Variants in PPM1H observed in about 807,000 individuals in gnomAD.
PPM1H encodes the protein protein phosphatase, Mg2+/Mn2+ dependent 1H.
A neutral mutation model predicts 54.9 loss-of-function variants in PPM1H; 27 were observed. The observed-to-expected ratio is 0.49, with a 90% confidence interval of 0.36 to 0.68. The LOEUF (loss-of-function observed/expected upper bound fraction) is 0.68, where lower values mean the gene tolerates loss of function less well. Among genes scored for constraint, PPM1H ranks in the 30% least tolerant of loss-of-function variants. PPM1H has a pLI of 0.00. For missense variants in PPM1H, 596 were observed against 667.8 expected, an observed-to-expected ratio of 0.89 and a Z score of 1.19; for synonymous variants, 305 against 270.8, an observed-to-expected ratio of 1.13 and a Z score of -1.24.
chr12:62,775,748 G>A (rs1453476030), intron 4 of PPM1H, among the ~76,000 whole-genome samples: 3 of 152,158 alleles, frequency 2.0e-5, no homozygotes, highest in Admixed American at 2.0e-4. Context: ...GCATGCCTGG[G>A]CCCTGTTTGC....
At chr12:62,737,217 T>TA (rs111659461) in intron 5 of PPM1H, among the ~76,000 whole-genome samples, 83,564 of 134,092 alleles carry the variant, frequency 0.62, 25,400 homozygotes, top group East Asian at 0.79. Context: ...AAGAAGCCAT[T>TA]AAAAAAAAAA....
intron 3 of PPM1H, among the ~76,000 whole-genome samples, chr12:62,788,938 C>A (rs554089631): frequency 9.2e-5 from 14 of 152,156 alleles, no homozygotes; most frequent in Non-Finnish European, 1.9e-4. Flanking sequence ...ATTGTCCAGG[C>A]TGGTCTCGAA....
chr12:62,855,835 C>G (rs1869363954), intron 1 of PPM1H, among the ~76,000 whole-genome samples: 1 of 152,104 alleles, frequency 6.6e-6, no homozygotes, highest in South Asian at 2.1e-4. Flanking sequence ...TTTGTATATC[C>G]ATAAATATTC....
intron 2 of PPM1H, among the ~76,000 whole-genome samples, chr12:62,803,400 G>A (rs971105393): frequency 2.0e-5 from 3 of 152,168 alleles, no homozygotes; most frequent in Non-Finnish European, 4.4e-5. Flanking sequence ...CCACACATAT[G>A]TTGTCAACTA....
intron 9 of PPM1H, among the ~76,000 whole-genome samples, chr12:62,663,408 A>C (rs990387360): frequency 6.6e-6 from 1 of 152,002 alleles, no homozygotes; most frequent in South Asian, 2.1e-4. Context: ...GCTGGTCTTG[A>C]ACTCCCAGGT....
At chr12:62,834,566 C>G (rs1021304037) in intron 1 of PPM1H, among the ~76,000 whole-genome samples, 6 of 152,174 alleles carry the variant, frequency 3.9e-5, no homozygotes, top group South Asian at 4.1e-4. Flanking sequence ...CAGGCAAGGT[C>G]TGGTCCAGGC....
chr12:62,710,401 G>A (rs1384337061), intron 6 of PPM1H, among the ~76,000 whole-genome samples: 1 of 151,598 alleles, frequency 6.6e-6, no homozygotes, highest in East Asian at 2.0e-4. Context: ...GCATGTTGGT[G>A]CACGCCTTTA....
At chr12:62,830,245 A>AT (rs1284763761) in intron 2 of PPM1H, among the ~76,000 whole-genome samples, 1 of 151,740 alleles carries the variant, frequency 6.6e-6, no homozygotes, top group Non-Finnish European at 1.5e-5. Flanking sequence ...TTTATATTTT[A>AT]TTTATTTATT....
intron 6 of PPM1H, among the ~76,000 whole-genome samples, chr12:62,714,867 TC>T (rs1239930931): frequency 6.6e-6 from 1 of 152,160 alleles, no homozygotes; most frequent in African/African-American, 2.4e-5. Flanking sequence ...GGACTTTTCT[TC>T]TTTGGCCCTT....
chr12:62,682,398 C>T (rs1222928417), intron 8 of PPM1H, among the ~76,000 whole-genome samples: 1 of 152,128 alleles, frequency 6.6e-6, no homozygotes, highest in Non-Finnish European at 1.5e-5. Context: ...GGGATTTTGG[C>T]TTGGGAACAA....
intron 6 of PPM1H, among the ~76,000 whole-genome samples, chr12:62,707,229 T>C (rs147654529): frequency 2.0e-4 from 30 of 152,290 alleles, no homozygotes; most frequent in Non-Finnish European, 4.1e-4. Flanking sequence ...CTATCCAGGT[T>C]ATGGGCACAA....
At position 62,934,321 on chromosome 12, in the gene PPM1H, G is replaced by A. The variant is rs533200537; in HGVS notation, c.245+171C>T. 8.5e-5 allele frequency among the ~76,000 whole-genome samples: 13 copies of A among 152,322 alleles called. No individual in the cohort carries two copies. Among genetic ancestry groups the A allele is most frequent in the East Asian group, 5.8e-4 (3 of 5,186 alleles). On this transcript the variant is annotated intron_variant, in intron 1 of 9. Coordinates refer to ENST00000228705, the MANE Select transcript of PPM1H (RefSeq NM_020700.2). This position sits in a 1 kb window ranked among gnomAD's most constrained non-coding sequence, Gnocchi z 4.2. Reference sequence around the variant, plus strand: ...CGTCCTTGGGCTGGGGGAAGAGGGAGTGGGGAGAAGAGGGAAATGGCCAGT... The same window carrying A: ...CGTCCTTGGGCTGGGGGAAGAGGGAATGGGGAGAAGAGGGAAATGGCCAGT...
chr12:62,667,183 AG>A lies in PPM1H; in HGVS notation c.1391del (p.Pro464LeufsTer12). 4 of 1,590,416 alleles carry A rather than the reference AG, an allele frequency of 2.5e-6. No homozygotes were observed. The highest frequency in any genetic ancestry group is 3.4e-6 in the Non-Finnish European group (4 of 1,160,338). On this transcript the variant is annotated frameshift_variant, in exon 9 of 10. Coordinates refer to ENST00000228705, the MANE Select transcript of PPM1H (RefSeq NM_020700.2). LOFTEE classifies it high-confidence loss of function. ...AATTGTAGAAATGCACAAACCTGTG[AG>A]GATCATCTGGATCACAGTTAGGAAG... is the stretch of plus-strand genomic sequence containing the variant. ...QFLPNCDPDD[P>X]HRYTLAAQDL...
At chr12:62,682,784 G>A (rs575753530) in intron 8 of PPM1H, among the ~76,000 whole-genome samples, 20 of 152,084 alleles carry the variant, frequency 1.3e-4, no homozygotes, top group South Asian at 1.0e-3. Context: ...GATGATAGGC[G>A]TGAGTCACTG....
intron 1 of PPM1H, among the ~76,000 whole-genome samples, chr12:62,882,954 T>C (rs1229522128): frequency 6.6e-6 from 1 of 151,140 alleles, no homozygotes; most frequent in Non-Finnish European, 1.5e-5. Flanking sequence ...AGCAAAGGCC[T>C]ATTCAACCTC....
At chr12:62,859,928 G>A (rs1869536802) in intron 1 of PPM1H, among the ~76,000 whole-genome samples, 1 of 152,198 alleles carries the variant, frequency 6.6e-6, no homozygotes, top group African/African-American at 2.4e-5. Flanking sequence ...TGCGCTAACA[G>A]AGAACATTAT....
At chr12:62,722,341 C>T (rs1341390876) in intron 5 of PPM1H, among the ~76,000 whole-genome samples, 1 of 152,142 alleles carries the variant, frequency 6.6e-6, no homozygotes, top group Non-Finnish European at 1.5e-5. Flanking sequence ...GTACTTCATA[C>T]ACCTGATCTT....
intron 2 of PPM1H, among the ~76,000 whole-genome samples, chr12:62,822,426 C>G (rs146971003): frequency 1.3e-5 from 2 of 152,152 alleles, no homozygotes; most frequent in African/African-American, 4.8e-5. Flanking sequence ...CAGAACTCTC[C>G]ACCCCAAATC....
intron 2 of PPM1H, among the ~76,000 whole-genome samples, chr12:62,826,654 A>G (rs1378082071): frequency 6.6e-6 from 1 of 152,224 alleles, no homozygotes; most frequent in Non-Finnish European, 1.5e-5. Flanking sequence ...ACCTCCAAGG[A>G]AGGTGAAGAT....
Sources: gnomAD v4.1 joint callset for allele counts (sites outside exome capture counted in the v4.1 genomes callset) on GRCh38, gnomAD v4.1.1 for gene constraint, Gnocchi (gnomAD v3.1) non-coding constraint, MANE v1.5 for transcripts, NCBI Gene and HGNC (gene_info 2026-07-23, HGNC 2026-07-21) for gene names.